SLC5A3: variants seen among roughly 807,000 people sequenced by gnomAD.
The protein encoded by SLC5A3 is solute carrier family 5 member 3, also known as sodium/myo-inositol cotransporter.
A neutral mutation model predicts 43.2 loss-of-function variants in SLC5A3; 10 were observed. That is an observed-to-expected ratio of 0.23 (90% confidence interval 0.14 to 0.39). The LOEUF is 0.39. SLC5A3 is among the 10% of genes least tolerant of loss of function. SLC5A3 has a pLI of 1.00. For synonymous variants in SLC5A3, 349 were observed against 322.0 expected (o/e 1.08, Z -0.90); for missense variants, 608 against 893.4 (o/e 0.68, Z 4.07).
At chr21:34,084,283 C>T (rs1989522465) in intron 1 of SLC5A3, among the ~76,000 whole-genome samples, 6 of 152,100 alleles carry the variant, frequency 3.9e-5, no homozygotes, top group Admixed American at 3.9e-4. Context: ...CAGGAAGGTG[C>T]TTGTGCTTAG....
chr21:34,101,507 G>T lies in SLC5A3; in HGVS notation c.*4152G>T, dbSNP rs1979235519. ...CCTGAGCAGACTTCTTTACAAATGG[G>T]ATCTGTTTCTATATGTGTATATGCC... On this transcript the variant is annotated 3_prime_UTR_variant, in exon 2 of 2. Coordinates refer to ENST00000381151, the MANE Select transcript of SLC5A3 (RefSeq NM_006933.7). The T allele has an allele frequency of 1.0e-6, 1 of 1,000,152 alleles. No homozygotes were observed. Among genetic ancestry groups the T allele is most frequent in the Non-Finnish European group, 1.2e-6 (1 of 829,932 alleles). 62.0% of individuals were successfully genotyped at this position (1,000,152 alleles called of 1,614,324 possible). A position where few individuals can be genotyped will look rare whatever the true frequency, so the allele number is the denominator to read the frequency against.
In SLC5A3 at chr21:34,105,416, CTTCA is replaced by C. The variant is rs1226880122; in HGVS notation, c.*8072_*8075del. The C allele has an allele frequency of 1.3e-5, 13 of 998,334 alleles. No homozygotes were observed. Among genetic ancestry groups the C allele is most frequent in the Non-Finnish European group, 1.4e-5 (12 of 828,622 alleles). The allele number at this position is 998,334 out of a possible 1,614,324, so 61.8% of individuals were successfully genotyped here. A position where few individuals can be genotyped will look rare whatever the true frequency, so the allele number is the denominator to read the frequency against. Reference sequence around the variant, plus strand: ...TTTCTAATAATATCCTGTGAAATTGCTTCATTCATTCATTTATTTTTAAGCCAAA... The same window carrying C: ...TTTCTAATAATATCCTGTGAAATTGCTTCATTCATTTATTTTTAAGCCAAA... On this transcript the variant is annotated 3_prime_UTR_variant, in exon 2 of 2. Coordinates refer to ENST00000381151, the MANE Select transcript of SLC5A3 (RefSeq NM_006933.7).
At position 34,103,173 on chromosome 21, in the gene SLC5A3, T is replaced by A; in HGVS notation, c.*5818T>A. On this transcript the variant is annotated 3_prime_UTR_variant, in exon 2 of 2. Coordinates refer to ENST00000381151, the MANE Select transcript of SLC5A3 (RefSeq NM_006933.7). ...CCAGTATATATGGTATTCCATAATATAACCAGCTTTTGAAATTTATGTGTT... is the reference window on the plus strand; with the variant it reads ...CCAGTATATATGGTATTCCATAATAAAACCAGCTTTTGAAATTTATGTGTT... The A allele has an allele frequency of 2.0e-6, 2 of 1,000,110 alleles. No individual in the cohort carries two copies. Among genetic ancestry groups the A allele is most frequent in the South Asian group, 4.7e-5 (1 of 21,290 alleles). 62.0% of individuals were successfully genotyped at this position (1,000,110 alleles called of 1,614,324 possible). A position where few individuals can be genotyped will look rare whatever the true frequency, so the allele number is the denominator to read the frequency against.
intron 1 of SLC5A3, among the ~76,000 whole-genome samples, chr21:34,088,779 T>C (rs541640893): frequency 1.3e-5 from 2 of 152,308 alleles, no homozygotes; most frequent in Admixed American, 6.5e-5. Context: ...ATAATAATTG[T>C]ACTTATCTCA....
At chr21:34,094,424 A>G (rs1248085633) in intron 1 of SLC5A3, among the ~76,000 whole-genome samples, 2 of 152,184 alleles carry the variant, frequency 1.3e-5, no homozygotes, top group African/African-American at 2.4e-5. Flanking sequence ...AACTGGCCAT[A>G]AAGTTACCCC....
intron 1 of SLC5A3, among the ~76,000 whole-genome samples, chr21:34,090,564 G>A (rs1051462754): frequency 8.6e-5 from 13 of 151,998 alleles, no homozygotes; most frequent in Admixed American, 2.0e-4. Context: ...AAATAACTTG[G>A]GAAAATCCTA....
In SLC5A3 at chr21:34,096,967, A is replaced by T. The variant is rs1602930648; in HGVS notation, c.1769A>T (p.Lys590Ile). 2 of 1,614,010 alleles carry T rather than the reference A, an allele frequency of 1.2e-6. No individual in the cohort carries two copies. The highest frequency in any genetic ancestry group is 1.7e-6 in the Non-Finnish European group (2 of 1,180,002). ...ATCAACCACATCATTCCCAACGGGA[A>T]ATCTGAAGACAGCATTAAGGGCCTT... ...ETINHIIPNGKSEDSIKGLQP... is the reference protein window; with the variant it reads ...ETINHIIPNGISEDSIKGLQP... The change falls in exon 2 of 2, where the codon AAA (lysine) becomes ATA (isoleucine). Residue 590 changes from lysine to isoleucine, a missense_variant. Lys to Ile is a moderately radical substitution (Grantham distance 102). Around this residue, in one of 2 missense-constraint regions of SLC5A3, gnomAD observed 210 missense variants for 224.8 expected, o/e 0.93. Transcript: ENST00000381151. This position sits in a 1 kb window ranked among gnomAD's most constrained non-coding sequence, Gnocchi z 5.9.
intron 1 of SLC5A3, among the ~76,000 whole-genome samples, chr21:34,074,282 G>A (rs1215699441): frequency 1.3e-5 from 2 of 152,116 alleles, no homozygotes; most frequent in African/African-American, 2.4e-5. Context: ...TCCAAAGCTT[G>A]TTTGTGCCGT....
At chr21:34,092,037 T>C (rs968003114) in intron 1 of SLC5A3, among the ~76,000 whole-genome samples, 3 of 152,128 alleles carry the variant, frequency 2.0e-5, no homozygotes, top group African/African-American at 4.8e-5. Flanking sequence ...GATTCTTCCA[T>C]GTGTATTCTT....
Position 34,105,622 on chromosome 21 carries a change from CATTTT to C in SLC5A3, c.*8269_*8273del. 2.0e-6 allele frequency: 2 copies of C among 999,876 alleles called. No individual in the cohort carries two copies. The highest frequency in any genetic ancestry group is 1.2e-6 in the Non-Finnish European group (1 of 829,762). The allele number at this position is 999,876 out of a possible 1,614,324, so 61.9% of individuals were successfully genotyped here. The stretch of plus-strand genomic sequence containing the variant: ...GGGGGTGTATATTGTGTACATGTGT[CATTTT>C]AGTTAGGCATTGTAGGCCAAATGTG... On this transcript the variant is annotated 3_prime_UTR_variant, in exon 2 of 2. Coordinates refer to ENST00000381151, the MANE Select transcript of SLC5A3 (RefSeq NM_006933.7).
At chr21:34,088,868 A>T (rs372377761) in intron 1 of SLC5A3, among the ~76,000 whole-genome samples, 5 of 151,614 alleles carry the variant, frequency 3.3e-5, no homozygotes, top group African/African-American at 1.2e-4. Context: ...GGTTAGTGTA[A>T]GATTTTTTTT....
rs199990460 is a variant in SLC5A3 at position 34,103,316 on chromosome 21, A to T, written c.*5961A>T. On this transcript the variant is annotated 3_prime_UTR_variant, in exon 2 of 2. Coordinates refer to ENST00000381151, the MANE Select transcript of SLC5A3 (RefSeq NM_006933.7). Reference sequence around the variant, plus strand: ...TTTTGTCGTAACTAGTGAAGGAAGTAAAAAAAAAAAAAAAACATGCATTAC... The same window carrying T: ...TTTTGTCGTAACTAGTGAAGGAAGTTAAAAAAAAAAAAAAACATGCATTAC... 1.5e-3 allele frequency: 321 copies of T among 215,938 alleles called. 5 individuals are homozygous for T. The East Asian group carries it at 0.12, about 83-fold the overall frequency. 13.4% of individuals were successfully genotyped at this position (215,938 alleles called of 1,614,324 possible). A position where few individuals can be genotyped will look rare whatever the true frequency, so the allele number is the denominator to read the frequency against.
chr21:34,090,969 G>A (rs1978654586), intron 1 of SLC5A3, among the ~76,000 whole-genome samples: 1 of 152,160 alleles, frequency 6.6e-6, no homozygotes, highest in African/African-American at 2.4e-5. Context: ...AAACAAGCTT[G>A]GGTATGCCCA....
intron 1 of SLC5A3, among the ~76,000 whole-genome samples, chr21:34,080,316 C>T (rs150120024): frequency 4.7e-4 from 72 of 152,322 alleles, no homozygotes; most frequent in African/African-American, 1.7e-3. Context: ...AAGTCACATC[C>T]AAGGCTGTCT....
chr21:34,098,454 T>A lies in SLC5A3; in HGVS notation c.*1099T>A. ...ATATCTTATTGCATCCTTGATAAGT[T>A]TTTCCCTGATTTTTTTTTTCCTCAA... On this transcript the variant is annotated 3_prime_UTR_variant, in exon 2 of 2. Transcript: ENST00000381151. 7.0e-6 allele frequency: 7 copies of A among 999,992 alleles called. No homozygotes were observed. Among genetic ancestry groups the A allele is most frequent in the Non-Finnish European group, 8.4e-6 (7 of 829,948 alleles). The allele number at this position is 999,992 out of a possible 1,614,324, so 61.9% of individuals were successfully genotyped here.
rs542069855 is a variant in SLC5A3, at chr21:34,096,670, A to G, written c.1472A>G (p.Tyr491Cys). ...GTCCGTTTGATACTGGCCTTTGCCTACCGTGCCCCAGAATGTGACCAACCT... is the reference window on the plus strand; with the variant it reads ...GTCCGTTTGATACTGGCCTTTGCCTGCCGTGCCCCAGAATGTGACCAACCT... ...GAVRLILAFAYRAPECDQPDN... is the reference protein window; with the variant it reads ...GAVRLILAFACRAPECDQPDN... Residue 491 changes from tyrosine to cysteine, a missense_variant, in exon 2 of 2, where the codon TAC (tyrosine) becomes TGC (cysteine). Tyr to Cys is a radical substitution (Grantham distance 194). Transcript: ENST00000381151. This position sits in a 1 kb window ranked among gnomAD's most constrained non-coding sequence, Gnocchi z 5.9. 3.1e-6 allele frequency: 5 copies of G among 1,614,118 alleles called. No homozygotes were observed. The highest frequency in any genetic ancestry group is 2.2e-5 in the South Asian group (2 of 91,086).
Position 34,102,702 on chromosome 21 carries a change from G to A in SLC5A3, c.*5347G>A, listed in dbSNP as rs1048334581. 9.0e-6 allele frequency: 9 copies of A among 1,000,002 alleles called. No homozygotes were observed. The highest frequency in any genetic ancestry group is 1.2e-4 in the Admixed American group (2 of 16,240). 61.9% of individuals were successfully genotyped at this position (1,000,002 alleles called of 1,614,324 possible). On this transcript the variant is annotated 3_prime_UTR_variant, in exon 2 of 2. Coordinates refer to ENST00000381151, the MANE Select transcript of SLC5A3 (RefSeq NM_006933.7). ...AGAATAAAGTAAGCAGCTGAAGAGC[G>A]AGCAAATCAAGACAAAACACAGTGG...
Position 34,099,192 on chromosome 21 carries a change from AT to A in SLC5A3, c.*1844del. ...TGAAGAGCTTAGAGTGCCTTGTAGA[AT>A]TTTTTTCTCAATTTTATTCTTGAGG... On this transcript the variant is annotated 3_prime_UTR_variant, in exon 2 of 2. Coordinates refer to ENST00000381151, the MANE Select transcript of SLC5A3 (RefSeq NM_006933.7). The A allele has an allele frequency of 3.0e-6, 3 of 999,806 alleles. No homozygotes were observed. The highest frequency in any genetic ancestry group is 3.6e-6 in the Non-Finnish European group (3 of 829,772). The allele number at this position is 999,806 out of a possible 1,614,324, so 61.9% of individuals were successfully genotyped here. A position where few individuals can be genotyped will look rare whatever the true frequency, so the allele number is the denominator to read the frequency against.
Position 34,103,966 on chromosome 21 carries a change from G to A in SLC5A3, c.*6611G>A. 1 of 1,000,166 alleles carries A rather than the reference G, an allele frequency of 1.0e-6. No homozygotes were observed. Among genetic ancestry groups the A allele is most frequent in the Non-Finnish European group, 1.2e-6 (1 of 829,918 alleles). 62.0% of individuals were successfully genotyped at this position (1,000,166 alleles called of 1,614,324 possible). On this transcript the variant is annotated 3_prime_UTR_variant, in exon 2 of 2. Transcript: ENST00000381151. ...ATATTTCTGTTTTAAGCTGTAGTGT[G>A]ATTGGGGTTTTTTGTAAAAAATCTT...
Sources: allele counts gnomAD v4.1 joint callset (sites outside exome capture counted in the v4.1 genomes callset), GRCh38; gene constraint gnomAD v4.1.1; regional missense constraint gnomAD v4.1.1; non-coding constraint Gnocchi (gnomAD v3.1); transcripts MANE v1.5; gene names NCBI Gene and HGNC (gene_info 2026-07-23, HGNC 2026-07-21).